The following MED13L variants were observed in gnomAD, a reference collection of about 807,000 sequenced individuals.
MED13L encodes the protein mediator complex subunit 13L, also known as mediator of RNA polymerase II transcription subunit 13-like.
A neutral mutation model predicts 220.9 loss-of-function variants in MED13L; 7 were observed. The ratio of observed to expected loss-of-function variants is 0.03; its 90% CI spans 0.02 to 0.06. The LOEUF is 0.06. Ranked by LOEUF, MED13L falls within the 10% of genes least tolerant of loss-of-function variation. MED13L has a pLI of 1.00. For missense variants in MED13L, 1,965 were observed against 2,760.5 expected (o/e 0.71, Z 6.46); for synonymous variants, 1,011 against 1,015.2 (o/e 1.00, Z 0.08).
At chr12:116,148,215 T>G (rs1046077802) in intron 2 of MED13L, among the ~76,000 whole-genome samples, 1 of 151,966 alleles carries the variant, frequency 6.6e-6, no homozygotes, top group Non-Finnish European at 1.5e-5. Flanking sequence ...ATTAATAAAA[T>G]TCAAGTATTT....
intron 1 of MED13L, among the ~76,000 whole-genome samples, chr12:116,272,838 GCTGT>G (rs1468750911): frequency 6.6e-6 from 1 of 152,060 alleles, no homozygotes; most frequent in Non-Finnish European, 1.5e-5. Context: ...GCCTTAAATT[GCTGT>G]CTATTATGTA....
chr12:116,276,374 GA>G (rs1873834029), intron 1 of MED13L: 1 of 1,115,936 alleles, frequency 9.0e-7, no homozygotes, highest in African/African-American at 1.6e-5. Flanking sequence ...TTAGGATAGA[GA>G]AAAACAGTTT....
In MED13L at chr12:115,962,889, C is replaced by T. The variant is rs370427194; in HGVS notation, c.6500+518G>A. On this transcript the variant is annotated intron_variant, in intron 30 of 30. Transcript: ENST00000281928. The stretch of plus-strand genomic sequence containing the variant: ...ACAAAAAATTAGCCGGGCATTCTGG[C>T]GGGTGCCTGTAGTCCCAGCTACTTG... Among the ~76,000 whole-genome samples the T allele has an allele frequency of 5.3e-5, 8 of 152,142 alleles. 1 individual carries two copies. The East Asian group carries it at 9.7e-4, about 18-fold the overall frequency.
chr12:116,277,626 AC>A lies in MED13L; in HGVS notation c.-496del, dbSNP rs944129284. Among the ~76,000 whole-genome samples, 10 of 106,192 alleles carry A rather than the reference AC, an allele frequency of 9.4e-5. No individual in the cohort carries two copies. Among genetic ancestry groups the A allele is most frequent in the Non-Finnish European group, 1.6e-4 (8 of 49,520 alleles). The allele number at this position is 106,192 out of a possible 152,430, so 69.7% of individuals were successfully genotyped here. On this transcript the variant is annotated 5_prime_UTR_variant, in exon 1 of 31. Coordinates refer to ENST00000281928, the MANE Select transcript of MED13L (RefSeq NM_015335.5). ...GTCCCCTCCTTCCTCTTCCTCCCCCACCCCCCCCTCCTCCCCAGTCAGCCTC... is the reference window on the plus strand; with the variant it reads ...GTCCCCTCCTTCCTCTTCCTCCCCCACCCCCCCTCCTCCCCAGTCAGCCTC...
At chr12:116,180,762 T>G (rs1449695694) in intron 2 of MED13L, among the ~76,000 whole-genome samples, 2 of 152,174 alleles carry the variant, frequency 1.3e-5, no homozygotes, top group African/African-American at 4.8e-5. Flanking sequence ...CTTGATTAAG[T>G]GGTTTCAGTA....
intron 2 of MED13L, among the ~76,000 whole-genome samples, chr12:116,219,260 C>T (rs988736117): frequency 6.6e-6 from 1 of 152,052 alleles, no homozygotes; most frequent in African/African-American, 2.4e-5. Context: ...AAGAGGAATA[C>T]TCGTAAACAT....
intron 2 of MED13L, among the ~76,000 whole-genome samples, chr12:116,225,923 T>C (rs1051521716): frequency 6.6e-6 from 1 of 152,060 alleles, no homozygotes; most frequent in South Asian, 2.1e-4. Context: ...AAAAAGAAAA[T>C]ATTTTGCATA....
intron 2 of MED13L, among the ~76,000 whole-genome samples, chr12:116,196,098 T>A (rs78663504): frequency 1.1e-4 from 16 of 151,656 alleles, no homozygotes; most frequent in African/African-American, 3.9e-4. Flanking sequence ...AAAGAGGCAA[T>A]GAGAAAAGAA....
At chr12:116,204,812 A>G (rs1044047668) in intron 2 of MED13L, among the ~76,000 whole-genome samples, 1 of 152,128 alleles carries the variant, frequency 6.6e-6, no homozygotes, top group African/African-American at 2.4e-5. Context: ...TTATTATCTT[A>G]TTTTCTTAAG....
chr12:116,265,388 T>C (rs1872760674), intron 1 of MED13L, among the ~76,000 whole-genome samples: 1 of 152,244 alleles, frequency 6.6e-6, no homozygotes, highest in African/African-American at 2.4e-5. Flanking sequence ...CAATTCTAAT[T>C]TGTCTGTGTA....
intron 2 of MED13L, among the ~76,000 whole-genome samples, chr12:116,161,286 C>T (rs1878834450): frequency 6.6e-6 from 1 of 152,246 alleles, no homozygotes; most frequent in African/African-American, 2.4e-5. Flanking sequence ...GTGCACTGAC[C>T]TCCTTCTCCC....
chr12:116,023,248 A>G (rs1880168952), intron 4 of MED13L, among the ~76,000 whole-genome samples: 1 of 152,162 alleles, frequency 6.6e-6, no homozygotes, highest in African/African-American at 2.4e-5. Context: ...GTGAACTGTG[A>G]TCAAGCCACT....
chr12:116,232,599 C>T (rs994997226), intron 2 of MED13L, among the ~76,000 whole-genome samples: 4 of 152,174 alleles, frequency 2.6e-5, no homozygotes, highest in African/African-American at 7.2e-5. Flanking sequence ...TTAACTGATT[C>T]GACAAACATT....
At chr12:116,221,774 A>T (rs893406742) in intron 2 of MED13L, among the ~76,000 whole-genome samples, 3 of 152,348 alleles carry the variant, frequency 2.0e-5, no homozygotes, top group South Asian at 4.1e-4. Context: ...TAAAAAGTTT[A>T]AAAACACTCT....
At chr12:116,246,120 G>T (rs951587477) in intron 1 of MED13L, among the ~76,000 whole-genome samples, 1 of 150,146 alleles carries the variant, frequency 6.7e-6, no homozygotes, top group Non-Finnish European at 1.5e-5. Flanking sequence ...AAATGCTAAA[G>T]AATTATTTCC....
intron 4 of MED13L, among the ~76,000 whole-genome samples, chr12:116,081,052 G>A (rs1387539770): frequency 6.6e-6 from 1 of 152,134 alleles, no homozygotes; most frequent in African/African-American, 2.4e-5. Context: ...AATTTAGTGA[G>A]GTTTTACATT....
At chr12:116,031,439 A>C (rs564632066) in intron 4 of MED13L, among the ~76,000 whole-genome samples, 117 of 151,378 alleles carry the variant, frequency 7.7e-4, no homozygotes, top group Middle Eastern at 3.2e-3. Context: ...CACACACACA[A>C]AAATTAGCCT....
At chr12:116,196,244 A>AT (rs1041640326) in intron 2 of MED13L, among the ~76,000 whole-genome samples, 2 of 152,066 alleles carry the variant, frequency 1.3e-5, no homozygotes, top group African/African-American at 2.4e-5. Flanking sequence ...TTTAAATTAT[A>AT]TTTTTTACTG....
intron 2 of MED13L, among the ~76,000 whole-genome samples, chr12:116,133,196 T>C (rs978542354): frequency 6.6e-6 from 1 of 152,162 alleles, no homozygotes; most frequent in Non-Finnish European, 1.5e-5. Context: ...TGAGAACCAA[T>C]CTCACCAGAG....
Sources: allele counts gnomAD v4.1 joint callset (sites outside exome capture counted in the v4.1 genomes callset), GRCh38; gene constraint gnomAD v4.1.1; transcripts MANE v1.5; gene names NCBI Gene and HGNC (gene_info 2026-07-23, HGNC 2026-07-21).